DLGAP1: variants seen among roughly 807,000 people sequenced by gnomAD.
DLGAP1 encodes the protein DLG associated protein 1.
In DLGAP1, 11 loss-of-function variants were observed where a neutral mutation model predicts 90.8. The ratio of observed to expected loss-of-function variants is 0.12; its 90% CI spans 0.08 to 0.20. The LOEUF is 0.20. Ranked by LOEUF, DLGAP1 falls within the 10% of genes least tolerant of loss-of-function variation. DLGAP1 has a pLI of 1.00. For synonymous variants in DLGAP1, 558 were observed against 540.7 expected (o/e 1.03, Z -0.44); for missense variants, 1,050 against 1,333.8 (o/e 0.79, Z 3.31).
intron 2 of DLGAP1, among the ~76,000 whole-genome samples, chr18:4,107,021 C>T (rs1478139328): frequency 1.3e-5 from 2 of 152,202 alleles, no homozygotes; most frequent in Admixed American, 1.3e-4. Flanking sequence ...ATAAAATGCA[C>T]TAGATTTACT....
chr18:3,910,340 A>G (rs2072004648), intron 3 of DLGAP1, among the ~76,000 whole-genome samples: 2 of 152,050 alleles, frequency 1.3e-5, no homozygotes, highest in Non-Finnish European at 2.9e-5. Context: ...TTTCTGTATT[A>G]CTACTATTAT....
intron 1 of DLGAP1, among the ~76,000 whole-genome samples, chr18:4,198,006 G>A (rs185441795): frequency 6.6e-6 from 1 of 152,166 alleles, no homozygotes; most frequent in African/African-American, 2.4e-5. Context: ...CGGATCACGA[G>A]ATCAGGAGAT....
rs375053504 is a variant in DLGAP1, at chr18:4,261,345, T to A, written c.-266-110058A>T. Among the ~76,000 whole-genome samples the A allele has an allele frequency of 2.1e-4, 32 of 152,270 alleles. 1 individual carries two copies. Among genetic ancestry groups the A allele is most frequent in the African/African-American group, 7.7e-4 (32 of 41,560 alleles). On this transcript the variant is annotated intron_variant, in intron 1 of 12. Coordinates refer to ENST00000315677, the MANE Select transcript of DLGAP1 (RefSeq NM_004746.4). The stretch of plus-strand genomic sequence containing the variant: ...TCCAGTGACCTGGCTTCCCCCATCC[T>A]CTAGCCCTGCTCCTCTGCTCCCACT...
chr18:3,502,895 G>T (rs1484270876), intron 11 of DLGAP1, among the ~76,000 whole-genome samples: 1 of 152,132 alleles, frequency 6.6e-6, no homozygotes, highest in African/African-American at 2.4e-5. Flanking sequence ...AATATGGTAT[G>T]GGGGAAGGGT....
rs1461026203 is a variant in DLGAP1, at chr18:4,149,511, CA to C, written c.-159+1668del. Among the ~76,000 whole-genome samples the C allele has an allele frequency of 9.2e-5, 14 of 152,178 alleles. No homozygotes were observed. In the South Asian group the frequency reaches 2.5e-3, roughly 27 times the overall value. ...TCACTTTGGATGTCAACCACAGCTG[CA>C]GGGGAGTCTCCTTGCCTTTGCAGGG... On this transcript the variant is annotated intron_variant, in intron 2 of 12. Coordinates refer to ENST00000315677, the MANE Select transcript of DLGAP1 (RefSeq NM_004746.4).
At chr18:4,343,639 G>C (rs975194030) in intron 1 of DLGAP1, among the ~76,000 whole-genome samples, 3 of 151,770 alleles carry the variant, frequency 2.0e-5, no homozygotes, top group Non-Finnish European at 4.4e-5. Flanking sequence ...TCACACACTG[G>C]TGCCTGTTGG....
chr18:4,183,890 A>G (rs1237209025), intron 1 of DLGAP1, among the ~76,000 whole-genome samples: 2 of 152,142 alleles, frequency 1.3e-5, no homozygotes, highest in Non-Finnish European at 1.5e-5. Context: ...TTATTTTTCC[A>G]GAAAGCTTTC....
At chr18:3,789,346 T>C (rs1465426964) in intron 5 of DLGAP1, among the ~76,000 whole-genome samples, 1 of 152,108 alleles carries the variant, frequency 6.6e-6, no homozygotes, top group East Asian at 1.9e-4. Flanking sequence ...TTGTGATAAG[T>C]TTCAACACAG....
chr18:3,989,356 C>T (rs1022800213), intron 3 of DLGAP1, among the ~76,000 whole-genome samples: 2 of 152,118 alleles, frequency 1.3e-5, no homozygotes, highest in Admixed American at 6.5e-5. Context: ...GTAGCCTTTA[C>T]GGGCAGGAAC....
intron 2 of DLGAP1, among the ~76,000 whole-genome samples, chr18:4,068,770 C>G (rs1255941806): frequency 6.6e-6 from 1 of 152,140 alleles, no homozygotes; most frequent in Admixed American, 6.6e-5. Context: ...GGTAAAACTA[C>G]AGTGAACATG....
chr18:3,943,318 C>T (rs939274181), intron 3 of DLGAP1, among the ~76,000 whole-genome samples: 1 of 152,194 alleles, frequency 6.6e-6, no homozygotes, highest in Non-Finnish European at 1.5e-5. Context: ...TCTGCCTTCA[C>T]AGATCGCCAG....
intron 1 of DLGAP1, among the ~76,000 whole-genome samples, chr18:4,358,697 G>T (rs1476642269): frequency 6.6e-6 from 1 of 152,234 alleles, no homozygotes; most frequent in East Asian, 1.9e-4. Context: ...GGGCATGAAA[G>T]GCTCAGTCCC....
At chr18:4,387,629 C>A (rs2082256612) in intron 1 of DLGAP1, among the ~76,000 whole-genome samples, 1 of 152,056 alleles carries the variant, frequency 6.6e-6, no homozygotes, top group Non-Finnish European at 1.5e-5. Flanking sequence ...GCACATACAG[C>A]AGAAGGGAAG....
chr18:3,792,084 T>C (rs2065761401), intron 5 of DLGAP1, among the ~76,000 whole-genome samples: 1 of 152,198 alleles, frequency 6.6e-6, no homozygotes, highest in Non-Finnish European at 1.5e-5. Flanking sequence ...ATCATCGCAC[T>C]GCAGAAGCCC....
chr18:4,319,359 A>AT (rs2080618731), intron 1 of DLGAP1, among the ~76,000 whole-genome samples: 1 of 152,158 alleles, frequency 6.6e-6, no homozygotes, highest in African/African-American at 2.4e-5. Context: ...TGTATATCCT[A>AT]ATTTAAACAT....
chr18:4,254,230 G>A (rs2078840765), intron 1 of DLGAP1, among the ~76,000 whole-genome samples: 1 of 152,130 alleles, frequency 6.6e-6, no homozygotes, highest in Non-Finnish European at 1.5e-5. Context: ...TGATATACAG[G>A]TATCCTATTT....
At chr18:3,690,094 G>GTTTTTTTTTTTTTTTT in intron 7 of DLGAP1, among the ~76,000 whole-genome samples, 1 of 116,900 alleles carries the variant, frequency 8.6e-6, no homozygotes, top group Non-Finnish European at 1.7e-5. Context: ...GCTGGGTGAG[G>GTTTTTTTTTTTTTTTT]TTTTTTTTTT....
At chr18:4,031,708 T>C (rs1001902207) in intron 2 of DLGAP1, among the ~76,000 whole-genome samples, 1 of 152,182 alleles carries the variant, frequency 6.6e-6, no homozygotes, top group African/African-American at 2.4e-5. Flanking sequence ...CTGATGATAA[T>C]GAAAATATAA....
chr18:3,658,774 C>T (rs1166442123), intron 7 of DLGAP1, among the ~76,000 whole-genome samples: 1 of 152,172 alleles, frequency 6.6e-6, no homozygotes, highest in Non-Finnish European at 1.5e-5. Context: ...GTTTTTCAGC[C>T]ATATTCATTT....
Sources: allele counts gnomAD v4.1 joint callset (sites outside exome capture counted in the v4.1 genomes callset), GRCh38; gene constraint gnomAD v4.1.1; transcripts MANE v1.5; gene names NCBI Gene and HGNC (gene_info 2026-07-23, HGNC 2026-07-21).